The following MSI2 variants were observed in gnomAD, a reference collection of about 807,000 sequenced individuals.
The protein encoded by MSI2 is musashi RNA binding protein 2.
A neutral mutation model predicts 45.6 loss-of-function variants in MSI2; 17 were observed. That is an observed-to-expected ratio of 0.37 (90% CI 0.26 to 0.56). The LOEUF (loss-of-function observed/expected upper bound fraction) is 0.56, where lower values mean the gene tolerates loss of function less well. Ranked by LOEUF, MSI2 falls within the 20% of genes least tolerant of loss-of-function variation. The probability of loss-of-function intolerance (pLI) is 0.77; values close to 1 mark genes in which losing one functional copy is unlikely to be tolerated. For missense variants in MSI2, 293 were observed against 444.2 expected (o/e 0.66, Z 3.06); for synonymous variants, 156 against 158.2 (o/e 0.99, Z 0.11).
intron 6 of MSI2, among the ~76,000 whole-genome samples, chr17:57,425,121 AATCCTGCCCGGT>A (rs1470960965): frequency 6.6e-6 from 1 of 151,988 alleles, no homozygotes; most frequent in Non-Finnish European, 1.5e-5. Flanking sequence ...TCTCACATTT[AATCCTGCCCGGT>A]ATCCTGAAGA....
chr17:57,652,296 G>C lies in MSI2; in HGVS notation c.790+135G>C. On this transcript the variant is annotated intron_variant, in intron 11 of 13. Transcript: ENST00000284073. The surrounding 1 kb of genome is among the most constrained non-coding windows in gnomAD (Gnocchi z 4.1). Reference sequence around the variant, plus strand: ...CACAGCCCCGGGGAGGGGGTGGACGGGGAGGGGGTGGACCGGGAGGCGCGG... The same window carrying C: ...CACAGCCCCGGGGAGGGGGTGGACGCGGAGGGGGTGGACCGGGAGGCGCGG... 3.2e-6 allele frequency: 3 copies of C among 925,072 alleles called. No individual in the cohort carries two copies. Among genetic ancestry groups the C allele is most frequent in the African/African-American group, 1.6e-5 (1 of 61,650 alleles). The allele number at this position is 925,072 out of a possible 1,614,324, so 57.3% of individuals were successfully genotyped here.
chr17:57,530,266 C>A (rs1273982370), intron 7 of MSI2, among the ~76,000 whole-genome samples: 1 of 152,186 alleles, frequency 6.6e-6, no homozygotes, highest in Admixed American at 6.5e-5. Flanking sequence ...GCTTCTGTCC[C>A]ATCCACTTTA....
At chr17:57,635,765 C>T (rs910867104) in intron 10 of MSI2, among the ~76,000 whole-genome samples, 7 of 152,362 alleles carry the variant, frequency 4.6e-5, no homozygotes, top group Non-Finnish European at 7.3e-5. Context: ...GGTTTGCTCT[C>T]GGGTCCTGAT....
At chr17:57,592,993 G>A (rs1027690441) in intron 7 of MSI2, among the ~76,000 whole-genome samples, 6 of 152,144 alleles carry the variant, frequency 3.9e-5, no homozygotes, top group African/African-American at 1.4e-4. Context: ...ACTTTACTCT[G>A]GCCTGTATTC....
intron 11 of MSI2, among the ~76,000 whole-genome samples, chr17:57,662,579 C>G (rs1209727230): frequency 6.6e-6 from 1 of 152,188 alleles, no homozygotes; most frequent in Non-Finnish European, 1.5e-5. Flanking sequence ...GAGCCTAAGC[C>G]TGTCGTCATT....
At chr17:57,413,530 A>G (rs2084236834) in intron 6 of MSI2, among the ~76,000 whole-genome samples, 1 of 151,980 alleles carries the variant, frequency 6.6e-6, no homozygotes, top group African/African-American at 2.4e-5. Flanking sequence ...GGTAACGGAT[A>G]CTGCCTGGAA....
chr17:57,398,239 A>G (rs147657001), intron 5 of MSI2, among the ~76,000 whole-genome samples: 15 of 152,352 alleles, frequency 9.8e-5, no homozygotes, highest in Middle Eastern at 3.4e-3. Context: ...CGTTTGGAAT[A>G]TAGACAGGGC....
intron 6 of MSI2, among the ~76,000 whole-genome samples, chr17:57,428,907 C>G (rs1437878056): frequency 6.6e-6 from 1 of 152,128 alleles, no homozygotes; most frequent in African/African-American, 2.4e-5. Flanking sequence ...TATTTACCAG[C>G]CAGCATATAT....
chr17:57,419,529 ATTTT>A (rs36114353), intron 6 of MSI2, among the ~76,000 whole-genome samples: 165 of 145,392 alleles, frequency 1.1e-3, no homozygotes, highest in Admixed American at 1.4e-3. Flanking sequence ...TGCCTGGCTA[ATTTT>A]TTTTTTTTTT....
chr17:57,262,433 C>T (rs903744266), intron 5 of MSI2: 48 of 424,408 alleles, frequency 1.1e-4, no homozygotes, highest in East Asian at 3.1e-4. Context: ...AGTGGGAGGA[C>T]GTGTTTCCAT....
chr17:57,284,770 C>T (rs1909724106), intron 5 of MSI2, among the ~76,000 whole-genome samples: 2 of 152,118 alleles, frequency 1.3e-5, no homozygotes, highest in East Asian at 3.9e-4. Context: ...CGTCATCTGC[C>T]CCCATTGGGG....
intron 5 of MSI2, among the ~76,000 whole-genome samples, chr17:57,345,762 C>T (rs1330101104): frequency 2.7e-5 from 4 of 147,570 alleles, no homozygotes; most frequent in Non-Finnish European, 4.4e-5. Flanking sequence ...GAGGTTGCAG[C>T]GAGCCTAGAT....
chr17:57,615,665 T>C (rs951157046), intron 8 of MSI2, among the ~76,000 whole-genome samples: 1 of 152,222 alleles, frequency 6.6e-6, no homozygotes, highest in African/African-American at 2.4e-5. Context: ...TCTGCCTCCT[T>C]ATCTGTCATG....
chr17:57,524,535 A>C lies in MSI2; in HGVS notation c.406-5141A>C, dbSNP rs531348469. 6.6e-5 allele frequency among the ~76,000 whole-genome samples: 10 copies of C among 152,376 alleles called. No individual in the cohort carries two copies. In the East Asian group the frequency reaches 1.5e-3, roughly 23 times the overall value. On this transcript the variant is annotated intron_variant, in intron 6 of 13. Transcript: ENST00000284073. ...ATCTAGACATGAGTTTATCTGTTAG[A>C]TAGATCTAGACATGAGTTTATCTGT...
chr17:57,660,208 A>G (rs186127843), intron 11 of MSI2, among the ~76,000 whole-genome samples: 9 of 152,246 alleles, frequency 5.9e-5, no homozygotes, highest in Non-Finnish European at 8.8e-5. Flanking sequence ...TGGTGGCAAA[A>G]TGATTGCAGC....
At chr17:57,435,920 A>C (rs1311439375) in intron 6 of MSI2, among the ~76,000 whole-genome samples, 1 of 152,160 alleles carries the variant, frequency 6.6e-6, no homozygotes, top group African/African-American at 2.4e-5. Flanking sequence ...TTGCTCTACT[A>C]TACACATGGG....
At chr17:57,471,478 A>C (rs906992149) in intron 6 of MSI2, among the ~76,000 whole-genome samples, 1 of 151,688 alleles carries the variant, frequency 6.6e-6, no homozygotes, top group Non-Finnish European at 1.5e-5. Context: ...TTTAGTAGAG[A>C]TGGGGCTGGC....
chr17:57,669,502 CAG>C (rs1168642746), intron 11 of MSI2, among the ~76,000 whole-genome samples: 20 of 152,200 alleles, frequency 1.3e-4, no homozygotes, highest in African/African-American at 4.8e-4. Flanking sequence ...ATAGGGGAGA[CAG>C]AGTCCTACGA....
In MSI2 at chr17:57,677,057, G is replaced by C. The variant is rs374818069; in HGVS notation, c.*29G>C. ...GGTGCTTTCGTTGCCATCTCACTCTGAGGTATTACCGTCTCTGCCATGTGT... is the reference window on the plus strand; with the variant it reads ...GGTGCTTTCGTTGCCATCTCACTCTCAGGTATTACCGTCTCTGCCATGTGT... On this transcript the variant is annotated splice_region_variant and 3_prime_UTR_variant, in exon 13 of 14. Transcript: ENST00000284073. 3 of 1,610,216 alleles carry C rather than the reference G, an allele frequency of 1.9e-6. No homozygotes were observed. The highest frequency in any genetic ancestry group is 2.6e-6 in the Non-Finnish European group (3 of 1,176,426).
Sources: allele counts gnomAD v4.1 joint callset (sites outside exome capture counted in the v4.1 genomes callset), GRCh38; gene constraint gnomAD v4.1.1; non-coding constraint Gnocchi (gnomAD v3.1); transcripts MANE v1.5; gene names NCBI Gene and HGNC (gene_info 2026-07-23, HGNC 2026-07-21).